ATG7: variants seen among roughly 807,000 people sequenced by gnomAD.
ATG7 encodes the protein autophagy related 7, also known as ubiquitin-like modifier-activating enzyme ATG7.
In ATG7, 70 loss-of-function variants were observed where a neutral mutation model predicts 82.4. That is an observed-to-expected ratio of 0.85 (90% CI 0.70 to 1.04). The LOEUF is 1.04. Ranked by LOEUF, ATG7 falls within the 50% of genes least tolerant of loss-of-function variation. ATG7 has a pLI of 0.00. For missense variants in ATG7, 792 were observed against 864.3 expected (o/e 0.92, Z 1.05); for synonymous variants, 287 against 313.0 (o/e 0.92, Z 0.88).
chr3:11,326,999 C>T (rs1165904915), intron 9 of ATG7, among the ~76,000 whole-genome samples: 2 of 152,176 alleles, frequency 1.3e-5, no homozygotes, highest in African/African-American at 2.4e-5. Flanking sequence ...TGTATGGAAG[C>T]TTCAGGTCTG....
At chr3:11,294,882 G>A (rs1408034697) in intron 3 of ATG7, among the ~76,000 whole-genome samples, 2 of 152,168 alleles carry the variant, frequency 1.3e-5, no homozygotes, top group African/African-American at 4.8e-5. Flanking sequence ...TAGGAGGCCT[G>A]GGTGGGCAGA....
At chr3:11,312,859 GT>G (rs949849417) in intron 7 of ATG7, among the ~76,000 whole-genome samples, 8 of 152,172 alleles carry the variant, frequency 5.3e-5, no homozygotes, top group African/African-American at 1.9e-4. Context: ...AAAAGCTTAA[GT>G]TTTGGAAGCA....
intron 5 of ATG7, among the ~76,000 whole-genome samples, chr3:11,301,233 T>C (rs915909559): frequency 1.3e-5 from 2 of 152,156 alleles, no homozygotes; most frequent in Non-Finnish European, 2.9e-5. Context: ...TCCTTAAGAA[T>C]TCAGTTTGAG....
At chr3:11,308,281 A>C (rs1466800153) in intron 6 of ATG7, among the ~76,000 whole-genome samples, 2 of 152,244 alleles carry the variant, frequency 1.3e-5, no homozygotes, top group African/African-American at 2.4e-5. Context: ...TTATCTACAA[A>C]AACATCTTGT....
intron 17 of ATG7, 144 bp downstream of exon 17, chr3:11,363,072 G>C (rs1045344223): frequency 1.4e-6 from 1 of 707,942 alleles, no homozygotes; most frequent in African/African-American, 1.8e-5. Flanking sequence ...AGAAAAAGCA[G>C]GTCTGGTTCT....
the ATG7 span, among the ~76,000 whole-genome samples, chr3:11,574,835 G>GTA: frequency 7.0e-6 from 1 of 142,712 alleles, no homozygotes; most frequent in African/African-American, 2.6e-5. Context: ...GTGTGTGTGT[G>GTA]TGTATTTTAA....
intron 20 of ATG7, among the ~76,000 whole-genome samples, chr3:11,478,042 C>A (rs190540975): frequency 3.4e-4 from 52 of 152,148 alleles, no homozygotes; most frequent in African/African-American, 1.3e-3. Context: ...TTCCTGTTGC[C>A]GAGTAAATAG....
chr3:11,485,013 T>C (rs1253356038), intron 20 of ATG7, among the ~76,000 whole-genome samples: 1 of 152,188 alleles, frequency 6.6e-6, no homozygotes, highest in Non-Finnish European at 1.5e-5. Flanking sequence ...TACGTGTGCA[T>C]GTGTCTTTAT....
At chr3:11,310,616 C>T (rs1054086267) in intron 7 of ATG7, among the ~76,000 whole-genome samples, 4 of 151,052 alleles carry the variant, frequency 2.6e-5, no homozygotes, top group Admixed American at 6.6e-5. Flanking sequence ...TCTGTCTATA[C>T]GTTTGGGTAA....
intron 3 of ATG7, among the ~76,000 whole-genome samples, chr3:11,286,967 A>G (rs1263711510): frequency 1.3e-5 from 2 of 151,622 alleles, no homozygotes; most frequent in Non-Finnish European, 2.9e-5. Flanking sequence ...GTGTTCTGCT[A>G]TGTTGCCCAG....
rs57073881 is a variant in ATG7 at position 11,442,739 on chromosome 3, CAAAAAAAAAAAAAAAAAAA to C, written c.2079+15827_2079+15845del. On this transcript the variant is annotated intron_variant, in intron 20 of 20. Coordinates refer to ENST00000693202, the MANE Select transcript of ATG7 (RefSeq NM_001349232.2). Reference sequence around the variant, plus strand: ...GCAGCATAGTGAGACTCCATCTCTACAAAAAAAAAAAAAAAAAAAAAAAAAAAAAAAATTAGCCAGGTTT... The same window carrying C: ...GCAGCATAGTGAGACTCCATCTCTACAAAAAAAAAAAAATTAGCCAGGTTT... Among the ~76,000 whole-genome samples the C allele has an allele frequency of 5.6e-3, 391 of 69,284 alleles. 5 individuals carry two copies. The highest frequency in any genetic ancestry group is 0.021 in the African/African-American group (366 of 17,624). The allele number at this position is 69,284 out of a possible 152,430, so 45.5% of individuals were successfully genotyped here. A position where few individuals can be genotyped will look rare whatever the true frequency, so the allele number is the denominator to read the frequency against.
At chr3:11,525,758 G>T (rs1306029492) in intron 20 of ATG7, among the ~76,000 whole-genome samples, 1 of 151,726 alleles carries the variant, frequency 6.6e-6, no homozygotes, top group East Asian at 2.0e-4. Context: ...GTTTCACCGT[G>T]TTAGCCAGGA....
intron 20 of ATG7, among the ~76,000 whole-genome samples, chr3:11,469,921 C>T (rs534327761): frequency 3.0e-4 from 40 of 134,694 alleles, no homozygotes; most frequent in South Asian, 9.7e-4. Context: ...ACCTGGGAGG[C>T]GGAGGTTGCA....
chr3:11,370,921 C>G (rs540057321), intron 18 of ATG7, among the ~76,000 whole-genome samples: 1 of 151,060 alleles, frequency 6.6e-6, no homozygotes, highest in South Asian at 2.1e-4. Context: ...CTTTATTCCT[C>G]AGGCTTTAGA....
chr3:11,273,192 C>T (rs1940896274), intron 1 of ATG7, among the ~76,000 whole-genome samples: 1 of 152,200 alleles, frequency 6.6e-6, no homozygotes, highest in African/African-American at 2.4e-5. Flanking sequence ...TTTTACAAAA[C>T]CCTGTTCAAC....
intron 3 of ATG7, chr3:11,290,524 TCTC>T (rs1399145294): frequency 1.4e-5 from 5 of 364,832 alleles, no homozygotes; most frequent in African/African-American, 6.6e-5. Flanking sequence ...ATCTTGGCCT[TCTC>T]CTTCCTCTTC....
chr3:11,411,729 G>T (rs184663121), intron 19 of ATG7, among the ~76,000 whole-genome samples: 1 of 149,626 alleles, frequency 6.7e-6, no homozygotes, highest in East Asian at 2.0e-4. Context: ...GTCCATCTAT[G>T]AAATTCAGTC....
At chr3:11,495,717 T>C (rs2090775051) in intron 20 of ATG7, among the ~76,000 whole-genome samples, 1 of 152,246 alleles carries the variant, frequency 6.6e-6, no homozygotes, top group Admixed American at 6.5e-5. Context: ...TGGCCATCAT[T>C]CTAACAGCCG....
chr3:11,323,170 A>T (rs1010993806), intron 9 of ATG7, among the ~76,000 whole-genome samples: 4 of 152,164 alleles, frequency 2.6e-5, no homozygotes, highest in African/African-American at 9.7e-5. Flanking sequence ...AGCTCTTGTG[A>T]GGTAGGAATA....
Sources: allele counts gnomAD v4.1 joint callset (sites outside exome capture counted in the v4.1 genomes callset), GRCh38; gene constraint gnomAD v4.1.1; transcripts MANE v1.5; gene names NCBI Gene and HGNC (gene_info 2026-07-23, HGNC 2026-07-21).